The following TTC19 variants were observed in gnomAD, a reference collection of about 807,000 sequenced individuals.
TTC19 encodes tetratricopeptide repeat domain 19, also known as tetratricopeptide repeat protein 19, mitochondrial.
A neutral mutation model predicts 49.5 loss-of-function variants in TTC19; 38 were observed. The observed-to-expected ratio is 0.77, with a 90% CI of 0.59 to 1.01. TTC19 has a LOEUF of 1.01. Among genes scored for constraint, TTC19 ranks in the 50% least tolerant of loss-of-function variants. The pLI is 0.00. For missense variants in TTC19, 475 were observed against 477.7 expected (o/e 0.99, Z 0.05); for synonymous variants, 204 against 185.2 (o/e 1.10, Z -0.83).
At chr17:16,019,315 A>G (rs1306956499) in intron 7 of TTC19, among the ~76,000 whole-genome samples, 1 of 152,236 alleles carries the variant, frequency 6.6e-6, no homozygotes, top group Non-Finnish European at 1.5e-5. Flanking sequence ...CCTGGGTGAC[A>G]GAGTGAAGAC....
intron 2 of TTC19, chr17:16,039,438 T>C (rs574221900): frequency 3.7e-6 from 6 of 1,613,518 alleles, no homozygotes; most frequent in Non-Finnish European, 5.1e-6. Context: ...TGTACCTGAA[T>C]GAGGTGATGG....
At chr17:16,032,311 C>T (rs897031421), downstream of TTC19, 9 of 1,612,816 alleles carry the variant, frequency 5.6e-6, no homozygotes, top group South Asian at 2.2e-5. Context: ...CATCACTATC[C>T]GACAGGGTCT....
chr17:16,032,604 G>A, downstream of TTC19: 3 of 915,968 alleles, frequency 3.3e-6, no homozygotes, highest in South Asian at 1.9e-5. Flanking sequence ...CACCATGAAA[G>A]CAAAATGAAT....
intron 2 of TTC19, chr17:16,000,493 C>G: frequency 9.1e-7 from 1 of 1,096,770 alleles, no homozygotes; most frequent in Non-Finnish European, 1.2e-6. Context: ...CTAGGCATCA[C>G]GCTTTATGCA....
chr17:16,004,050 G>A, intron 5 of TTC19, 151 bp from the exon 6 acceptor site: 1 of 1,092,282 alleles, frequency 9.2e-7, no homozygotes, highest in Non-Finnish European at 1.4e-6. Flanking sequence ...AAATGCAACA[G>A]CATGCTTGCC....
In TTC19 at chr17:16,025,191, A is replaced by C. The variant is rs755092242; in HGVS notation, c.831+20A>C. ...CCACAGGTAAGGGAGGAAAACACAG[A>C]AGGGGGAATATAAAACAAAGGCTTC... On this transcript the variant is annotated intron_variant, in intron 8 of 9. Transcript: ENST00000261647. 2 of 1,610,668 alleles carry C rather than the reference A, an allele frequency of 1.2e-6. No homozygotes were observed. The highest frequency in any genetic ancestry group is 2.2e-5 in the South Asian group (2 of 90,674).
intron 7 of TTC19, among the ~76,000 whole-genome samples, chr17:16,008,254 T>C (rs1026401191): frequency 4.6e-5 from 7 of 152,230 alleles, no homozygotes; most frequent in African/African-American, 1.7e-4. Context: ...CCCGACATCT[T>C]GACTTGAAGT....
rs949644842 is a variant in TTC19 at position 16,002,913 on chromosome 17, C to T, written c.462+82C>T. ...TGTAATAGTAAGAGTACAGGCTAAG[C>T]TGCTATAACAAAGAGACCCTAGAAT... is the stretch of plus-strand genomic sequence containing the variant. On this transcript the variant is annotated intron_variant, in intron 4 of 9. Transcript: ENST00000261647. 4 of 1,302,868 alleles carry T rather than the reference C, an allele frequency of 3.1e-6. No homozygotes were observed. In the East Asian group the frequency reaches 9.2e-5, roughly 30 times the overall value. 80.7% of individuals were successfully genotyped at this position (1,302,868 alleles called of 1,614,324 possible).
intron 2 of TTC19, chr17:16,044,430 C>A (rs561069968): frequency 4.2e-6 from 2 of 471,590 alleles, no homozygotes; most frequent in South Asian, 1.5e-5. Flanking sequence ...CCCCCACTTT[C>A]CTTTCTTTTG....
At chr17:16,032,897 CTG>C (rs778964082), downstream of TTC19, among the ~76,000 whole-genome samples, 10 of 152,204 alleles carry the variant, frequency 6.6e-5, no homozygotes, top group Non-Finnish European at 1.0e-4. Flanking sequence ...CGTCTGCAGA[CTG>C]AGGGGCAGCA....
chr17:16,010,314 C>T (rs974329296), intron 7 of TTC19, among the ~76,000 whole-genome samples: 3 of 150,314 alleles, frequency 2.0e-5, no homozygotes, highest in African/African-American at 7.3e-5. Context: ...GCCGGGACTA[C>T]AGGCACGTGC....
intron 7 of TTC19, among the ~76,000 whole-genome samples, chr17:16,013,754 A>G (rs1250222040): frequency 6.6e-6 from 1 of 152,144 alleles, no homozygotes; most frequent in Non-Finnish European, 1.5e-5. Flanking sequence ...CCCACATTTC[A>G]CTGTTTTCAC....
At chr17:16,043,106 A>G (rs1046066795) in intron 2 of TTC19, among the ~76,000 whole-genome samples, 1 of 152,234 alleles carries the variant, frequency 6.6e-6, no homozygotes, top group Non-Finnish European at 1.5e-5. Context: ...ACATGGCATC[A>G]GAAAGCCAAG....
At chr17:16,006,368 C>A in intron 6 of TTC19, 106 bp from the exon 7 acceptor site, 1 of 828,970 alleles carries the variant, frequency 1.2e-6, no homozygotes, top group Non-Finnish European at 2.1e-6. Flanking sequence ...CGAGGTCACG[C>A]CATTGCACTC....
chr17:16,034,689 A>T, intron 2 of TTC19: 1 of 1,316,494 alleles, frequency 7.6e-7, no homozygotes, highest in Non-Finnish European at 1.1e-6. Flanking sequence ...AGAGTTGCTG[A>T]ATTTTGAAGA....
At chr17:16,041,530 C>T (rs947334733) in intron 2 of TTC19, among the ~76,000 whole-genome samples, 2 of 150,394 alleles carry the variant, frequency 1.3e-5, no homozygotes, top group South Asian at 4.2e-4. Context: ...TCTCCTGCCT[C>T]AGCCTCCCGA....
chr17:16,039,714 T>TG, intron 2 of TTC19: 1 of 1,442,678 alleles, frequency 6.9e-7, no homozygotes, highest in East Asian at 2.4e-5. Flanking sequence ...GAAACAAACA[T>TG]GCATTGCCCC....
intron 2 of TTC19, chr17:16,000,521 GT>G: frequency 3.6e-6 from 3 of 844,200 alleles, no homozygotes; most frequent in Non-Finnish European, 4.9e-6. Context: ...TATCGGGAAC[GT>G]TTTGTAGTGG....
At chr17:16,009,703 C>T (rs1186259796) in intron 7 of TTC19, among the ~76,000 whole-genome samples, 1 of 152,152 alleles carries the variant, frequency 6.6e-6, no homozygotes, top group Non-Finnish European at 1.5e-5. Context: ...TTTTTATTGA[C>T]ACAACTATCT....
Sources: allele counts gnomAD v4.1 joint callset (sites outside exome capture counted in the v4.1 genomes callset), GRCh38; gene constraint gnomAD v4.1.1; transcripts MANE v1.5; gene names NCBI Gene and HGNC (gene_info 2026-07-23, HGNC 2026-07-21).